Variants in GABRB3 observed in about 807,000 individuals in gnomAD.
GABRB3 encodes gamma-aminobutyric acid type A receptor subunit beta3.
In GABRB3, 14 loss-of-function variants were observed where a neutral mutation model predicts 52.1. That is an observed-to-expected ratio of 0.27 (90% CI 0.18 to 0.42). The LOEUF is 0.42. Ranked by LOEUF, GABRB3 falls within the 10% of genes least tolerant of loss-of-function variation. The pLI, the probability that GABRB3 is intolerant of heterozygous loss-of-function variation, is 1.00. For synonymous variants in GABRB3, 260 were observed against 232.3 expected (o/e 1.12, Z -1.08); for missense variants, 307 against 609.1 (o/e 0.50, Z 5.22).
rs1892493102 is a variant in GABRB3, at chr15:26,621,752, T to C, written c.241-218A>G. On this transcript the variant is annotated intron_variant, in intron 3 of 8. Coordinates refer to ENST00000311550, the MANE Select transcript of GABRB3 (RefSeq NM_000814.6). This position sits in a 1 kb window ranked among gnomAD's most constrained non-coding sequence, Gnocchi z 4.1. ...TGAGTCTGTGTGTGTCACGTATAGATGTCCTCTGTTTTACTTAGGTTAAGA... is the reference window on the plus strand; with the variant it reads ...TGAGTCTGTGTGTGTCACGTATAGACGTCCTCTGTTTTACTTAGGTTAAGA... Among the ~76,000 whole-genome samples, 2 of 152,204 alleles carry C rather than the reference T, an allele frequency of 1.3e-5. No individual in the cohort carries two copies. The highest frequency in any genetic ancestry group is 2.4e-5 in the African/African-American group (1 of 41,462).
chr15:26,550,284 C>T (rs1889410427), intron 8 of GABRB3, among the ~76,000 whole-genome samples: 2 of 152,074 alleles, frequency 1.3e-5, no homozygotes, highest in Admixed American at 1.3e-4. Flanking sequence ...CAAAGATGGG[C>T]TCCAGCTGAC....
chr15:26,567,791 T>C, intron 6 of GABRB3, 58 bp from the exon 7 acceptor site: 1 of 1,540,082 alleles, frequency 6.5e-7, no homozygotes, highest in Non-Finnish European at 9.0e-7. Flanking sequence ...ACTAAAGAGT[T>C]TGCTTTGACT....
intron 3 of GABRB3, among the ~76,000 whole-genome samples, chr15:26,691,192 T>C (rs934929497): frequency 6.6e-5 from 10 of 152,234 alleles, no homozygotes; most frequent in African/African-American, 2.2e-4. Context: ...TTCTCAAACA[T>C]CCCTTAGGTT....
intron 3 of GABRB3, among the ~76,000 whole-genome samples, chr15:26,762,430 T>C (rs1302305676): frequency 1.3e-5 from 2 of 152,138 alleles, no homozygotes; most frequent in Non-Finnish European, 2.9e-5. Context: ...AAGACCATTC[T>C]GATTCAATCC....
chr15:26,684,251 G>C (rs1055432037), intron 3 of GABRB3, among the ~76,000 whole-genome samples: 7 of 152,158 alleles, frequency 4.6e-5, no homozygotes, highest in African/African-American at 1.7e-4. Flanking sequence ...GATGGAAATT[G>C]ACAACGAAGA....
chr15:26,718,451 C>T (rs913547316), intron 3 of GABRB3, among the ~76,000 whole-genome samples: 14 of 152,216 alleles, frequency 9.2e-5, no homozygotes, highest in African/African-American at 3.4e-4. Context: ...TCAGGTGATC[C>T]GCCCACCTCA....
At chr15:26,555,138 C>T (rs945637922) in intron 8 of GABRB3, among the ~76,000 whole-genome samples, 15 of 152,016 alleles carry the variant, frequency 9.9e-5, no homozygotes, top group African/African-American at 3.4e-4. Context: ...GAGCTGAGAT[C>T]GCGCCACTGC....
At chr15:26,700,714 T>A (rs1038983019) in intron 3 of GABRB3, among the ~76,000 whole-genome samples, 2 of 152,232 alleles carry the variant, frequency 1.3e-5, no homozygotes, top group Admixed American at 1.3e-4. Context: ...TTGATCCCAA[T>A]AGACATGGGA....
At chr15:26,744,558 T>C (rs941847575) in intron 3 of GABRB3, among the ~76,000 whole-genome samples, 1 of 152,118 alleles carries the variant, frequency 6.6e-6, no homozygotes, top group Non-Finnish European at 1.5e-5. Context: ...CCCGAGTACC[T>C]GGGATTACAG....
chr15:26,582,105 A>T (rs1890811863), intron 5 of GABRB3, among the ~76,000 whole-genome samples: 1 of 152,168 alleles, frequency 6.6e-6, no homozygotes, highest in Non-Finnish European at 1.5e-5. Flanking sequence ...CTTCCACTCA[A>T]ATGATTAAAC....
intron 3 of GABRB3, among the ~76,000 whole-genome samples, chr15:26,686,145 A>C (rs773125048): frequency 6.6e-6 from 1 of 151,902 alleles, no homozygotes; most frequent in Non-Finnish European, 1.5e-5. Context: ...GGGTCTTGCT[A>C]TGTTGCCTAG....
chr15:26,727,759 T>TCATG (rs1365525939), intron 3 of GABRB3, among the ~76,000 whole-genome samples: 1 of 152,208 alleles, frequency 6.6e-6, no homozygotes, highest in Non-Finnish European at 1.5e-5. Context: ...TGCATATATA[T>TCATG]CATGACCTCA....
chr15:26,591,125 A>T (rs1044617498), intron 4 of GABRB3, among the ~76,000 whole-genome samples: 1 of 152,154 alleles, frequency 6.6e-6, no homozygotes, highest in Non-Finnish European at 1.5e-5. Flanking sequence ...TGAGAGAGCC[A>T]GCCAGAATCA....
intron 4 of GABRB3, among the ~76,000 whole-genome samples, chr15:26,585,341 G>C (rs1186977347): frequency 6.6e-6 from 1 of 152,156 alleles, no homozygotes; most frequent in Non-Finnish European, 1.5e-5. Flanking sequence ...TTTTCTGAAT[G>C]ATCTTCATTA....
chr15:26,589,229 C>A (rs952009244), intron 4 of GABRB3, among the ~76,000 whole-genome samples: 3 of 152,202 alleles, frequency 2.0e-5, no homozygotes, highest in Admixed American at 1.3e-4. Flanking sequence ...TCATGAATTG[C>A]ATAAATACAA....
intron 3 of GABRB3, among the ~76,000 whole-genome samples, chr15:26,648,933 A>G (rs1887103619): frequency 6.6e-6 from 1 of 152,000 alleles, no homozygotes; most frequent in South Asian, 2.1e-4. Context: ...GTGCCTGCAG[A>G]GTGGGTGGCA....
intron 3 of GABRB3, among the ~76,000 whole-genome samples, chr15:26,699,490 C>CAA (rs543375296): frequency 1.5e-5 from 2 of 133,834 alleles, no homozygotes; most frequent in Admixed American, 1.5e-4. Flanking sequence ...ATCGGTGAAT[C>CAA]AAAAAAAAAA....
chr15:26,615,462 C>T, intron 4 of GABRB3: 1 of 986,860 alleles, frequency 1.0e-6, no homozygotes. Flanking sequence ...AAGTTTCAAG[C>T]TCAAGGGGCT....
chr15:26,772,772 A>G lies in GABRB3; in HGVS notation c.81T>C (p.Ser27=), dbSNP rs1057523553. The G allele has an allele frequency of 7.1e-6, 11 of 1,540,330 alleles. No individual in the cohort carries two copies. The highest frequency in any genetic ancestry group is 9.6e-6 in the Non-Finnish European group (11 of 1,141,142). The change falls in exon 2 of 9, where the codon AGT becomes AGC. Residue 27 remains serine, a splice_region_variant and synonymous_variant. Transcript: ENST00000311550. ...VLVAVVCCAQ[S]VNDPGNMSFV... ...AGGACATGTTCCCGGGATCGTTCAC[A>G]CTGGGGGAGGGACGGGGAGCACAAA...
Sources: gnomAD v4.1 joint callset for allele counts (sites outside exome capture counted in the v4.1 genomes callset) on GRCh38, gnomAD v4.1.1 for gene constraint, Gnocchi (gnomAD v3.1) non-coding constraint, MANE v1.5 for transcripts, NCBI Gene and HGNC (gene_info 2026-07-23, HGNC 2026-07-21) for gene names.